Variants in RNF13 observed in about 807,000 individuals in gnomAD.
The protein encoded by RNF13 is E3 ubiquitin-protein ligase RNF13.
RNF13 carries 19 observed loss-of-function variants against 37.7 expected under a neutral mutation model. The ratio of observed to expected loss-of-function variants is 0.50; its 90% confidence interval spans 0.35 to 0.74. RNF13 has a LOEUF of 0.74. Among genes scored for constraint, RNF13 ranks in the 30% least tolerant of loss-of-function variants. The pLI is 0.01. For missense variants in RNF13, 375 were observed against 453.0 expected (o/e 0.83, Z 1.56); for synonymous variants, 144 against 157.8 (o/e 0.91, Z 0.65).
intron 6 of RNF13, among the ~76,000 whole-genome samples, chr3:149,909,306 A>G (rs1427128298): frequency 6.7e-6 from 1 of 148,352 alleles, no homozygotes; most frequent in Non-Finnish European, 1.5e-5. Flanking sequence ...ACAAAGCCTC[A>G]CTATGTCACC....
intron 6 of RNF13, among the ~76,000 whole-genome samples, chr3:149,910,075 C>A (rs1716831080): frequency 6.6e-6 from 1 of 151,990 alleles, no homozygotes; most frequent in Non-Finnish European, 1.5e-5. Context: ...TTATTTATAG[C>A]AGGTTAGTGG....
chr3:149,922,938 A>G (rs1282480816), intron 8 of RNF13, among the ~76,000 whole-genome samples: 1 of 152,212 alleles, frequency 6.6e-6, no homozygotes, highest in Non-Finnish European at 1.5e-5. Flanking sequence ...TCATTTTCAT[A>G]TACCAGTAAA....
chr3:149,911,803 G>A (rs1283879262), intron 6 of RNF13, among the ~76,000 whole-genome samples, 175 bp from the exon 7 acceptor site: 1 of 152,160 alleles, frequency 6.6e-6, no homozygotes, highest in Non-Finnish European at 1.5e-5. Context: ...ACTTAAAGAT[G>A]TAGAAAGCAT....
At chr3:149,852,481 G>T in intron 2 of RNF13, 35 bp from the exon 3 acceptor site, 2 of 908,958 alleles carry the variant, frequency 2.2e-6, no homozygotes, top group South Asian at 3.5e-5. Context: ...TATATAAATT[G>T]GTCTTAACTT....
rs201345285 is a variant in RNF13, at chr3:149,952,329, ACTAAT to A, written c.701-7720_701-7716del. ...CACTCAGAGCCGCAACAAATATTAGACTAATCTAATCAACAAGCAGAAGTCATCTA... is the reference window on the plus strand; with the variant it reads ...CACTCAGAGCCGCAACAAATATTAGACTAATCAACAAGCAGAAGTCATCTA... On this transcript the variant is annotated intron_variant, in intron 8 of 9. Transcript: ENST00000392894. Among the ~76,000 whole-genome samples, 9 of 152,174 alleles carry A rather than the reference ACTAAT, an allele frequency of 5.9e-5. No homozygotes were observed. The East Asian group carries it at 1.7e-3, about 30-fold the overall frequency.
intron 1 of RNF13, among the ~76,000 whole-genome samples, chr3:149,841,512 A>T (rs928341410): frequency 5.9e-5 from 9 of 152,216 alleles, no homozygotes; most frequent in Non-Finnish European, 1.2e-4. Context: ...GTGAATGAAG[A>T]TATAATGCCA....
chr3:149,862,709 T>C (rs907214075), intron 3 of RNF13, among the ~76,000 whole-genome samples: 4 of 152,194 alleles, frequency 2.6e-5, no homozygotes, highest in African/African-American at 9.6e-5. Flanking sequence ...CTTTCTTTTT[T>C]AGTGAACATC....
intron 3 of RNF13, among the ~76,000 whole-genome samples, chr3:149,862,544 T>C (rs1006048656): frequency 6.6e-6 from 1 of 152,166 alleles, no homozygotes; most frequent in South Asian, 2.1e-4. Flanking sequence ...AAATTTTCTT[T>C]GCTGTGGTTT....
intron 8 of RNF13, among the ~76,000 whole-genome samples, chr3:149,936,752 C>CGT (rs1719725551): frequency 6.6e-6 from 1 of 152,016 alleles, no homozygotes; most frequent in Admixed American, 6.6e-5. Flanking sequence ...TTGGGAAGGT[C>CGT]GTGGTTCCCT....
At chr3:149,881,512 G>A (rs987941983) in intron 4 of RNF13, among the ~76,000 whole-genome samples, 10 of 152,024 alleles carry the variant, frequency 6.6e-5, no homozygotes, top group Admixed American at 2.6e-4. Flanking sequence ...CATATTTTTA[G>A]TAGAGATGGG....
chr3:149,949,946 G>T (rs1432734066), intron 8 of RNF13, among the ~76,000 whole-genome samples: 2 of 151,790 alleles, frequency 1.3e-5, no homozygotes, highest in Non-Finnish European at 2.9e-5. Context: ...ATTTTCTGTA[G>T]TTGTTCCATA....
intron 2 of RNF13, among the ~76,000 whole-genome samples, chr3:149,850,384 C>T (rs1012228447): frequency 6.6e-6 from 1 of 152,180 alleles, no homozygotes; most frequent in African/African-American, 2.4e-5. Flanking sequence ...GTCTTGTTCA[C>T]TGTAGGAACA....
intron 4 of RNF13, among the ~76,000 whole-genome samples, chr3:149,878,654 C>T (rs1713030198): frequency 1.3e-5 from 2 of 152,188 alleles, no homozygotes; most frequent in Non-Finnish European, 2.9e-5. Flanking sequence ...GTTTTGATCA[C>T]TTGAGAAAGA....
chr3:149,939,678 G>A, intron 8 of RNF13: 1 of 776,476 alleles, frequency 1.3e-6, no homozygotes, highest in Non-Finnish European at 2.2e-6. Flanking sequence ...AAGATAACTG[G>A]TGCTCATTTT....
chr3:149,961,598 A>G lies in RNF13; in HGVS notation c.*494A>G. 1 of 288,020 alleles carries G rather than the reference A, an allele frequency of 3.5e-6. No homozygotes were observed. Among genetic ancestry groups the G allele is most frequent in the Non-Finnish European group, 6.8e-6 (1 of 147,292 alleles). 17.8% of individuals were successfully genotyped at this position (288,020 alleles called of 1,614,324 possible). A position where few individuals can be genotyped will look rare whatever the true frequency, so the allele number is the denominator to read the frequency against. On this transcript the variant is annotated 3_prime_UTR_variant, in exon 10 of 10. Transcript: ENST00000392894. ...TTCAGCCTTTCCTCCTATCAGCACA[A>G]AGAAACTCAAAGCTGTTTTTTCCCT...
rs758139795 is a variant in RNF13, at chr3:149,912,111, T to A, written c.606+28T>A. On this transcript the variant is annotated intron_variant, in intron 7 of 9. Coordinates refer to ENST00000392894, the MANE Select transcript of RNF13 (RefSeq NM_183381.3). Reference sequence around the variant, plus strand: ...AGGTACATTAACTTTTAATAATTTTTAAAAAATAGTATGGATGAATCTAAA... The same window carrying A: ...AGGTACATTAACTTTTAATAATTTTAAAAAAATAGTATGGATGAATCTAAA... The A allele has an allele frequency of 1.0e-4, 110 of 1,090,602 alleles. No homozygotes were observed. The Middle Eastern group carries it at 1.2e-3, about 12-fold the overall frequency. 67.6% of individuals were successfully genotyped at this position (1,090,602 alleles called of 1,614,324 possible). A position where few individuals can be genotyped will look rare whatever the true frequency, so the allele number is the denominator to read the frequency against.
chr3:149,814,458 G>A (rs562136704), intron 1 of RNF13: 1 of 152,344 alleles, frequency 6.6e-6, no homozygotes, highest in South Asian at 2.1e-4. Context: ...GAGGTAAGAA[G>A]TGTAGTGCAG....
At chr3:149,941,158 A>C (rs187814522) in intron 8 of RNF13, among the ~76,000 whole-genome samples, 6 of 152,292 alleles carry the variant, frequency 3.9e-5, no homozygotes, top group Admixed American at 1.3e-4. Flanking sequence ...GCTTCCATGA[A>C]CATGGGTGAA....
At chr3:149,919,954 TTA>T (rs749990817) in intron 7 of RNF13, among the ~76,000 whole-genome samples, 27 of 152,354 alleles carry the variant, frequency 1.8e-4, no homozygotes, top group Non-Finnish European at 2.8e-4. Context: ...GTATATTGTA[TTA>T]TAGTATTTAT....
Sources: gnomAD v4.1 joint callset for allele counts (sites outside exome capture counted in the v4.1 genomes callset) on GRCh38, gnomAD v4.1.1 for gene constraint, MANE v1.5 for transcripts, NCBI Gene and HGNC (gene_info 2026-07-23, HGNC 2026-07-21) for gene names.